The following CYYR1 variants were observed in gnomAD, a reference collection of about 807,000 sequenced individuals.
CYYR1 encodes cysteine and tyrosine-rich protein 1.
A neutral mutation model predicts 15.2 loss-of-function variants in CYYR1; 14 were observed. The observed-to-expected ratio is 0.92, with a 90% CI of 0.61 to 1.44. The LOEUF (loss-of-function observed/expected upper bound fraction) is 1.44, where lower values mean the gene tolerates loss of function less well. Ranked by LOEUF, CYYR1 falls within the 40% of genes most tolerant of loss-of-function variation. The pLI is 0.00. For synonymous variants in CYYR1, 80 were observed against 77.4 expected, an observed-to-expected ratio of 1.03 and a Z score of -0.18; for missense variants, 228 against 209.5, an observed-to-expected ratio of 1.09 and a Z score of -0.54.
At chr21:26,525,981 CACAG>C (rs1421133860) in intron 2 of CYYR1, among the ~76,000 whole-genome samples, 2 of 141,356 alleles carry the variant, frequency 1.4e-5, no homozygotes, top group Non-Finnish European at 1.5e-5. Flanking sequence ...AACACATGGA[CACAG>C]ACAGGAACAA....
At chr21:26,477,388 G>A (rs2065118688) in intron 3 of CYYR1, among the ~76,000 whole-genome samples, 1 of 152,068 alleles carries the variant, frequency 6.6e-6, no homozygotes, top group Non-Finnish European at 1.5e-5. Context: ...CAGTAAAAAT[G>A]TTTTCAGCAT....
chr21:26,535,318 G>A (rs887123023), intron 2 of CYYR1, among the ~76,000 whole-genome samples: 2 of 152,138 alleles, frequency 1.3e-5, no homozygotes, highest in African/African-American at 4.8e-5. Context: ...AACTGCTAGA[G>A]CAGGGTGGTA....
At chr21:26,487,547 T>C (rs2065266805) in intron 2 of CYYR1, among the ~76,000 whole-genome samples, 1 of 152,132 alleles carries the variant, frequency 6.6e-6, no homozygotes, top group Non-Finnish European at 1.5e-5. Context: ...TTGAATACAA[T>C]GTTTTATTAT....
At chr21:26,482,594 C>G in intron 2 of CYYR1, 1 of 789,058 alleles carries the variant, frequency 1.3e-6, no homozygotes. Flanking sequence ...TCTTAAAAAT[C>G]GACTCAAAGG....
chr21:26,519,043 CT>C (rs1399996803), intron 2 of CYYR1, among the ~76,000 whole-genome samples: 1 of 152,140 alleles, frequency 6.6e-6, no homozygotes, highest in Non-Finnish European at 1.5e-5. Flanking sequence ...AGTTCCAAGT[CT>C]TATACATTTT....
chr21:26,567,394 G>T (rs1435719922), intron 1 of CYYR1, among the ~76,000 whole-genome samples: 1 of 152,090 alleles, frequency 6.6e-6, no homozygotes, highest in Non-Finnish European at 1.5e-5. Context: ...CTGAATAAAG[G>T]ATCAGAAATT....
chr21:26,475,817 G>A (rs2065095788), intron 3 of CYYR1, among the ~76,000 whole-genome samples: 1 of 152,084 alleles, frequency 6.6e-6, no homozygotes, highest in Non-Finnish European at 1.5e-5. Flanking sequence ...CGTCTGCCTG[G>A]GCGAAGACTT....
At chr21:26,499,156 G>A (rs1397311607) in intron 2 of CYYR1, among the ~76,000 whole-genome samples, 1 of 152,202 alleles carries the variant, frequency 6.6e-6, no homozygotes, top group Non-Finnish European at 1.5e-5. Context: ...CTAATTCCCT[G>A]AACCATATTT....
At chr21:26,552,603 T>C (rs886561408) in intron 2 of CYYR1, among the ~76,000 whole-genome samples, 1 of 152,154 alleles carries the variant, frequency 6.6e-6, no homozygotes, top group African/African-American at 2.4e-5. Flanking sequence ...TTAGTATCCA[T>C]TTTAATTGAT....
intron 1 of CYYR1, among the ~76,000 whole-genome samples, chr21:26,572,206 A>G (rs1981050514): frequency 6.6e-6 from 1 of 152,250 alleles, no homozygotes; most frequent in Non-Finnish European, 1.5e-5. Context: ...ATACCTGAAT[A>G]ACCAATGAAA....
chr21:26,484,717 T>C (rs895094149), intron 2 of CYYR1, among the ~76,000 whole-genome samples: 4 of 152,144 alleles, frequency 2.6e-5, no homozygotes, highest in Non-Finnish European at 5.9e-5. Flanking sequence ...CTATGTGTTA[T>C]GGAAGCTGTT....
intron 2 of CYYR1, among the ~76,000 whole-genome samples, chr21:26,565,109 G>A (rs1980517996): frequency 6.6e-6 from 1 of 152,092 alleles, no homozygotes; most frequent in South Asian, 2.1e-4. Flanking sequence ...TTTAATTATA[G>A]CTTGACATTT....
intron 2 of CYYR1, among the ~76,000 whole-genome samples, chr21:26,486,867 A>G (rs1251702916): frequency 6.6e-6 from 1 of 152,062 alleles, no homozygotes; most frequent in East Asian, 1.9e-4. Flanking sequence ...TATTAATATT[A>G]AATAATATTT....
At chr21:26,473,156 A>G (rs975468002) in intron 3 of CYYR1, among the ~76,000 whole-genome samples, 3 of 152,114 alleles carry the variant, frequency 2.0e-5, no homozygotes, top group Non-Finnish European at 2.9e-5. Context: ...CTGATTTTAA[A>G]TAGTTTTGAT....
At chr21:26,522,795 C>T (rs1419471879) in intron 2 of CYYR1, among the ~76,000 whole-genome samples, 2 of 152,210 alleles carry the variant, frequency 1.3e-5, no homozygotes, top group African/African-American at 4.8e-5. Flanking sequence ...GTTTTGTTCT[C>T]GGGATAATTG....
intron 2 of CYYR1, among the ~76,000 whole-genome samples, chr21:26,553,595 T>C (rs1013624964): frequency 2.0e-5 from 3 of 152,106 alleles, no homozygotes; most frequent in Non-Finnish European, 2.9e-5. Context: ...AACTGGTAAA[T>C]TTATGGCTAG....
At chr21:26,492,475 A>G (rs2065341698) in intron 2 of CYYR1, among the ~76,000 whole-genome samples, 3 of 152,160 alleles carry the variant, frequency 2.0e-5, no homozygotes, top group Non-Finnish European at 4.4e-5. Flanking sequence ...ACATTCACAC[A>G]CACTGCAACT....
chr21:26,479,066 G>A (rs2065138963), intron 3 of CYYR1, among the ~76,000 whole-genome samples: 1 of 152,092 alleles, frequency 6.6e-6, no homozygotes, highest in African/African-American at 2.4e-5. Context: ...GGTTTGGACT[G>A]GAGATACATG....
At chr21:26,532,903 G>T (rs17536810) in intron 2 of CYYR1, among the ~76,000 whole-genome samples, 3 of 151,866 alleles carry the variant, frequency 2.0e-5, no homozygotes, top group Non-Finnish European at 2.9e-5. Flanking sequence ...AAAAAATGTC[G>T]TATAAAATTA....
Sources: gnomAD v4.1 joint callset for allele counts (sites outside exome capture counted in the v4.1 genomes callset) on GRCh38, gnomAD v4.1.1 for gene constraint, MANE v1.5 for transcripts, NCBI Gene and HGNC (gene_info 2026-07-23, HGNC 2026-07-21) for gene names.